PHKB: variants seen among roughly 807,000 people sequenced by gnomAD.
PHKB encodes the protein phosphorylase kinase regulatory subunit beta.
In PHKB, 122 loss-of-function variants were observed where a neutral mutation model predicts 152.1. That is an observed-to-expected ratio of 0.80 (90% CI 0.69 to 0.93). PHKB has a LOEUF of 0.93. Among genes scored for constraint, PHKB ranks in the 40% least tolerant of loss-of-function variants. The probability of loss-of-function intolerance (pLI) is 0.00; values close to 1 mark genes in which losing one functional copy is unlikely to be tolerated. For missense variants in PHKB, 1,304 were observed against 1,328.4 expected (o/e 0.98, Z 0.29); for synonymous variants, 436 against 464.9 (o/e 0.94, Z 0.80).
intron 14 of PHKB, among the ~76,000 whole-genome samples, chr16:47,636,686 C>T (rs1237192570): frequency 6.6e-6 from 1 of 152,216 alleles, no homozygotes; most frequent in Non-Finnish European, 1.5e-5. Flanking sequence ...GCTTTGAGCG[C>T]CGATGAGCAC....
intron 1 of PHKB, among the ~76,000 whole-genome samples, chr16:47,491,065 G>A (rs1970142607): frequency 6.6e-6 from 1 of 152,126 alleles, no homozygotes; most frequent in Non-Finnish European, 1.5e-5. Context: ...TCTATTTCCA[G>A]TAGTTTCAAT....
At chr16:47,472,097 A>G (rs1385073614) in intron 1 of PHKB, among the ~76,000 whole-genome samples, 4 of 152,164 alleles carry the variant, frequency 2.6e-5, no homozygotes, top group Admixed American at 6.5e-5. Flanking sequence ...GTGTGTGTAT[A>G]TATAGTAAAA....
At chr16:47,562,608 C>G (rs1013655231) in intron 7 of PHKB, 2 of 152,238 alleles carry the variant, frequency 1.3e-5, no homozygotes, top group African/African-American at 4.8e-5. Flanking sequence ...TAACAGTCAT[C>G]TGAACCTTCA....
At chr16:47,480,258 C>T (rs987008438) in intron 1 of PHKB, among the ~76,000 whole-genome samples, 3 of 152,060 alleles carry the variant, frequency 2.0e-5, no homozygotes, top group African/African-American at 2.4e-5. Flanking sequence ...GATTTCCGCC[C>T]GAGTCCAGTT....
At chr16:47,591,223 C>G (rs1054578333) in intron 10 of PHKB, among the ~76,000 whole-genome samples, 3 of 152,198 alleles carry the variant, frequency 2.0e-5, no homozygotes, top group Admixed American at 2.0e-4. Flanking sequence ...AGAAACCAAA[C>G]GAAACCCTTC....
chr16:47,463,748 C>T lies in PHKB; in HGVS notation c.76+2322C>T, dbSNP rs1969617580. 1.3e-5 allele frequency: 8 copies of T among 609,840 alleles called. No individual in the cohort carries two copies. In the South Asian group the frequency reaches 1.6e-4, roughly 12 times the overall value. 37.8% of individuals were successfully genotyped at this position (609,840 alleles called of 1,614,324 possible). Reference sequence around the variant, plus strand: ...ATCAAAGCAAAGAAAATCACATTTTCAAGTCATAAAAGAGAAAATAAAATT... The same window carrying T: ...ATCAAAGCAAAGAAAATCACATTTTTAAGTCATAAAAGAGAAAATAAAATT... On this transcript the variant is annotated intron_variant, in intron 1 of 30. Transcript: ENST00000323584.
In PHKB at chr16:47,490,394, T is replaced by G. The variant is rs140122448; in HGVS notation, c.77-7005T>G. ...TCTGTGGTTTATAATAGCTTAACCT[T>G]ATGTTTGCTAACATATACTTAGACA... On this transcript the variant is annotated intron_variant, in intron 1 of 30. Coordinates refer to ENST00000323584, the MANE Select transcript of PHKB (RefSeq NM_000293.3). Among the ~76,000 whole-genome samples the G allele has an allele frequency of 8.5e-4, 130 of 152,376 alleles. 1 individual carries two copies. Among genetic ancestry groups the G allele is most frequent in the African/African-American group, 3.0e-3 (124 of 41,596 alleles).
intron 26 of PHKB, among the ~76,000 whole-genome samples, chr16:47,678,527 T>C (rs988989925): frequency 6.6e-6 from 1 of 152,158 alleles, no homozygotes; most frequent in African/African-American, 2.4e-5. Context: ...CCAGTGATCA[T>C]GAGCATTTTT....
At chr16:47,610,797 G>T (rs938872581) in intron 13 of PHKB, 29 bp from the exon 14 acceptor site, 4 of 1,307,168 alleles carry the variant, frequency 3.1e-6, no homozygotes, top group Non-Finnish European at 4.4e-6. Flanking sequence ...ATGCATTTTC[G>T]ATAATGTCAT....
chr16:47,648,170 G>C lies in PHKB; in HGVS notation c.1609-363G>C, dbSNP rs151109040. Among the ~76,000 whole-genome samples, 396 of 152,206 alleles carry C rather than the reference G, an allele frequency of 2.6e-3. 3 individuals are homozygous for C. The highest frequency in any genetic ancestry group is 9.1e-3 in the African/African-American group (380 of 41,532). On this transcript the variant is annotated intron_variant, in intron 16 of 30. Coordinates refer to ENST00000323584, the MANE Select transcript of PHKB (RefSeq NM_000293.3). Reference sequence around the variant, plus strand: ...ACTTAAAGGTGGAAATTTAGTAGGAGATTATGGCCCTCGTTTTTAAAATGT... The same window carrying C: ...ACTTAAAGGTGGAAATTTAGTAGGACATTATGGCCCTCGTTTTTAAAATGT...
rs1489514485 is a variant in PHKB, at chr16:47,594,234, A to G, written c.1204+20A>G. Reference sequence around the variant, plus strand: ...CAGAAGGTATAGTTGTTTTTTTAAGAAATTCTTCCTACCAACATTTCCTGA... The same window carrying G: ...CAGAAGGTATAGTTGTTTTTTTAAGGAATTCTTCCTACCAACATTTCCTGA... On this transcript the variant is annotated intron_variant, in intron 12 of 30. Transcript: ENST00000323584. 8.2e-7 allele frequency: 1 copy of G among 1,223,836 alleles called. No individual in the cohort carries two copies. 75.8% of individuals were successfully genotyped at this position (1,223,836 alleles called of 1,614,324 possible). A position where few individuals can be genotyped will look rare whatever the true frequency, so the allele number is the denominator to read the frequency against.
intron 16 of PHKB, among the ~76,000 whole-genome samples, chr16:47,643,900 A>T (rs544264101): frequency 1.3e-5 from 2 of 152,092 alleles, no homozygotes; most frequent in Non-Finnish European, 2.9e-5. Context: ...ATTCTGCTCT[A>T]TGTATTTCCG....
At position 47,629,932 on chromosome 16, in the gene PHKB, C is replaced by A. The variant is rs528692508; in HGVS notation, c.1459-11103C>A. Among the ~76,000 whole-genome samples, 569 of 151,800 alleles carry A rather than the reference C, an allele frequency of 3.7e-3. 1 individual carries two copies. The highest frequency in any genetic ancestry group is 5.6e-3 in the Non-Finnish European group (384 of 67,972). ...AGTAAACTATCGCAATAACAAAAAA[C>A]CAAACACCGCATATTCTCACTCATA... On this transcript the variant is annotated intron_variant, in intron 14 of 30. Coordinates refer to ENST00000323584, the MANE Select transcript of PHKB (RefSeq NM_000293.3).
At chr16:47,516,506 T>C (rs935915980) in intron 6 of PHKB, among the ~76,000 whole-genome samples, 3 of 152,170 alleles carry the variant, frequency 2.0e-5, no homozygotes, top group African/African-American at 7.2e-5. Flanking sequence ...GCAAAAAAGC[T>C]TTTATTGTTT....
At chr16:47,581,802 C>A (rs1971851606) in intron 8 of PHKB, among the ~76,000 whole-genome samples, 5 of 152,126 alleles carry the variant, frequency 3.3e-5, no homozygotes. Context: ...GCCTCGGACC[C>A]CCGAGTAGCT....
chr16:47,651,587 C>T (rs1973238619), intron 20 of PHKB, among the ~76,000 whole-genome samples: 1 of 152,170 alleles, frequency 6.6e-6, no homozygotes, highest in African/African-American at 2.4e-5. Flanking sequence ...TATTCTTCAC[C>T]ATGCTTTCGT....
Position 47,669,410 on chromosome 16 carries a change from C to T in PHKB, c.2623C>T (p.Arg875Ter), listed in dbSNP as rs768885733. Residue 875 changes from arginine (R) to a stop codon, truncating the protein, a stop_gained, in exon 26 of 31, where the codon CGA becomes TGA. Coordinates refer to ENST00000323584, the MANE Select transcript of PHKB (RefSeq NM_000293.3). LOFTEE classifies it high-confidence loss of function. ...GTTATTCAGTGGCATGCTGAAAATA[C>T]GAATCGGGTGAGTGAAGTCCTTTGC... The part of the protein sequence containing the change: ...PELFSGMLKI[R>*]IGWIIHAMEY... 8.7e-6 allele frequency: 14 copies of T among 1,613,802 alleles called. No individual in the cohort carries two copies. The highest frequency in any genetic ancestry group is 2.7e-5 in the African/African-American group (2 of 74,996).
intron 8 of PHKB, among the ~76,000 whole-genome samples, chr16:47,586,005 A>G (rs939264961): frequency 1.3e-5 from 2 of 152,160 alleles, no homozygotes; most frequent in African/African-American, 4.8e-5. Flanking sequence ...CTCCTAACAT[A>G]TTATATCCAT....
chr16:47,654,344 A>G (rs909262596), intron 20 of PHKB, among the ~76,000 whole-genome samples: 3 of 152,130 alleles, frequency 2.0e-5, no homozygotes, highest in Non-Finnish European at 4.4e-5. Context: ...ACACTTTTAC[A>G]CTGTTGGTGG....
Sources: allele counts gnomAD v4.1 joint callset (sites outside exome capture counted in the v4.1 genomes callset), GRCh38; gene constraint gnomAD v4.1.1; transcripts MANE v1.5; gene names NCBI Gene and HGNC (gene_info 2026-07-23, HGNC 2026-07-21).